Variants in FRMD4A observed in about 807,000 individuals in gnomAD.
FRMD4A encodes the protein FERM domain containing 4A, also known as FERM domain-containing protein 4A.
FRMD4A carries 29 observed loss-of-function variants against 129.1 expected under a neutral mutation model. The ratio of observed to expected loss-of-function variants is 0.22; its 90% confidence interval spans 0.17 to 0.31. The LOEUF (loss-of-function observed/expected upper bound fraction) is 0.31. Among genes scored for constraint, FRMD4A ranks in the 10% least tolerant of loss-of-function variants. FRMD4A has a pLI of 1.00. For missense variants in FRMD4A, 1,272 were observed against 1,375.8 expected (o/e 0.92, Z 1.19); for synonymous variants, 634 against 571.6 (o/e 1.11, Z -1.56).
intron 2 of FRMD4A, among the ~76,000 whole-genome samples, chr10:14,142,411 T>C (rs372868667): frequency 3.9e-5 from 6 of 152,350 alleles, no homozygotes; most frequent in African/African-American, 1.4e-4. Flanking sequence ...TGTAATCTCA[T>C]GGTGACTGCT....
chr10:14,152,336 G>A (rs1324421829), intron 2 of FRMD4A, among the ~76,000 whole-genome samples: 1 of 151,800 alleles, frequency 6.6e-6, no homozygotes, highest in Non-Finnish European at 1.5e-5. Flanking sequence ...CACCTTGTTA[G>A]CCAGAATGGT....
In FRMD4A at chr10:14,186,492, A is replaced by C. The variant is rs185830597; in HGVS notation, c.45+143566T>G. 1.8e-3 allele frequency among the ~76,000 whole-genome samples: 275 copies of C among 152,132 alleles called. 1 individual carries two copies. Among genetic ancestry groups the C allele is most frequent in the African/African-American group, 6.0e-3 (251 of 41,496 alleles). On this transcript the variant is annotated intron_variant, in intron 2 of 24. Coordinates refer to ENST00000357447, the MANE Select transcript of FRMD4A (RefSeq NM_018027.5). Reference sequence around the variant, plus strand: ...GCAGAGGGAGACAGATCTGAGCTGGACTCCTGTCTCCCTGGGAACAATAAA... The same window carrying C: ...GCAGAGGGAGACAGATCTGAGCTGGCCTCCTGTCTCCCTGGGAACAATAAA...
chr10:13,688,384 G>T (rs1373067207), intron 15 of FRMD4A, among the ~76,000 whole-genome samples: 2 of 152,010 alleles, frequency 1.3e-5, no homozygotes, highest in African/African-American at 2.4e-5. Flanking sequence ...TCACACACTG[G>T]GGACTGTTGT....
intron 3 of FRMD4A, among the ~76,000 whole-genome samples, chr10:13,832,764 G>A (rs946583074): frequency 1.4e-4 from 21 of 151,956 alleles, no homozygotes; most frequent in Admixed American, 1.3e-3. Flanking sequence ...CTCAGCCTCC[G>A]AAGTAGCTGG....
intron 2 of FRMD4A, among the ~76,000 whole-genome samples, chr10:14,064,641 G>T (rs185396164): frequency 6.6e-6 from 1 of 152,096 alleles, no homozygotes; most frequent in African/African-American, 2.4e-5. Flanking sequence ...ACAGTGGCGC[G>T]ATCTCGGCTC....
chr10:13,866,538 G>A (rs2094369950), intron 2 of FRMD4A, among the ~76,000 whole-genome samples: 1 of 152,144 alleles, frequency 6.6e-6, no homozygotes, highest in Admixed American at 6.6e-5. Flanking sequence ...CCCAAACATT[G>A]CAAGACCACA....
chr10:13,714,996 G>A (rs1285031958), intron 12 of FRMD4A, among the ~76,000 whole-genome samples: 1 of 152,012 alleles, frequency 6.6e-6, no homozygotes, highest in Non-Finnish European at 1.5e-5. Flanking sequence ...CGGAGATCAT[G>A]CCACTGCACT....
At chr10:14,067,324 A>C (rs1227576882) in intron 2 of FRMD4A, among the ~76,000 whole-genome samples, 6 of 152,070 alleles carry the variant, frequency 3.9e-5, no homozygotes, top group Non-Finnish European at 8.8e-5. Flanking sequence ...TCTCAAAAAA[A>C]AATTAGTATG....
intron 2 of FRMD4A, among the ~76,000 whole-genome samples, chr10:14,195,699 C>T (rs1215623040): frequency 6.6e-6 from 1 of 152,182 alleles, no homozygotes; most frequent in East Asian, 1.9e-4. Context: ...TGGTAATATT[C>T]ATGACTTCAG....
chr10:14,021,386 A>T (rs1390635976), intron 2 of FRMD4A, among the ~76,000 whole-genome samples: 5 of 76,470 alleles, frequency 6.5e-5, no homozygotes, highest in African/African-American at 5.8e-4. Flanking sequence ...CACAAAAATA[A>T]AAAAAAAAAA....
intron 2 of FRMD4A, among the ~76,000 whole-genome samples, chr10:14,219,822 T>C (rs910699788): frequency 1.5e-4 from 23 of 152,156 alleles, no homozygotes; most frequent in Non-Finnish European, 8.8e-5. Flanking sequence ...AATGATGTTT[T>C]TGGTCAAGAC....
At chr10:14,177,001 C>T (rs1162437363) in intron 2 of FRMD4A, among the ~76,000 whole-genome samples, 3 of 152,132 alleles carry the variant, frequency 2.0e-5, no homozygotes, top group Admixed American at 6.5e-5. Flanking sequence ...GCTTCCATCC[C>T]TTTGGATTCT....
intron 2 of FRMD4A, among the ~76,000 whole-genome samples, chr10:14,253,411 T>A (rs1280958991): frequency 6.6e-6 from 1 of 152,238 alleles, no homozygotes; most frequent in Non-Finnish European, 1.5e-5. Context: ...TGTGCAAGTG[T>A]AATTGCTATA....
intron 2 of FRMD4A, among the ~76,000 whole-genome samples, chr10:14,019,595 T>C (rs1282095827): frequency 1.3e-5 from 2 of 152,236 alleles, no homozygotes; most frequent in Non-Finnish European, 2.9e-5. Flanking sequence ...CTAAGCCTTC[T>C]AGTACTCTTC....
rs563618572 is a variant in FRMD4A, at chr10:13,904,813, C to T, written c.46-45901G>A. Reference sequence around the variant, plus strand: ...TTTGAGACCAGCCTGGCCAACGTGGCGAAACCCTGTCTCTACTAAAAAATA... The same window carrying T: ...TTTGAGACCAGCCTGGCCAACGTGGTGAAACCCTGTCTCTACTAAAAAATA... On this transcript the variant is annotated intron_variant, in intron 2 of 24. Coordinates refer to ENST00000357447, the MANE Select transcript of FRMD4A (RefSeq NM_018027.5). 1.5e-4 allele frequency among the ~76,000 whole-genome samples: 23 copies of T among 151,806 alleles called. No homozygotes were observed. In the East Asian group the frequency reaches 3.9e-3, roughly 26 times the overall value.
intron 22 of FRMD4A, chr10:13,655,411 G>A (rs1314498527): frequency 1.3e-5 from 2 of 152,094 alleles, no homozygotes; most frequent in Admixed American, 1.3e-4. Flanking sequence ...GATCTTCCTG[G>A]GGAGTCAATG....
At chr10:13,696,897 AT>A (rs2086276717) in intron 14 of FRMD4A, among the ~76,000 whole-genome samples, 1 of 152,206 alleles carries the variant, frequency 6.6e-6, no homozygotes, top group Non-Finnish European at 1.5e-5. Context: ...AAAGTAGATA[AT>A]TTATGTAAAG....
intron 2 of FRMD4A, among the ~76,000 whole-genome samples, chr10:14,198,944 G>C (rs559980743): frequency 1.3e-5 from 2 of 152,304 alleles, no homozygotes; most frequent in South Asian, 4.1e-4. Flanking sequence ...GTACTCAGTA[G>C]AGGGCTTGTC....
chr10:13,696,510 G>A (rs2086237934), intron 14 of FRMD4A, among the ~76,000 whole-genome samples: 3 of 152,322 alleles, frequency 2.0e-5, no homozygotes, highest in South Asian at 4.2e-4. Context: ...TTGGGAGGCC[G>A]AGGTGGGTGG....
Sources: allele counts gnomAD v4.1 joint callset (sites outside exome capture counted in the v4.1 genomes callset), GRCh38; gene constraint gnomAD v4.1.1; transcripts MANE v1.5; gene names NCBI Gene and HGNC (gene_info 2026-07-23, HGNC 2026-07-21).